Variants in GLIS1 observed in about 807,000 individuals in gnomAD.
GLIS1 encodes the protein zinc finger protein GLIS1.
A neutral mutation model predicts 63.8 loss-of-function variants in GLIS1; 24 were observed. The ratio of observed to expected loss-of-function variants is 0.38; its 90% CI spans 0.27 to 0.53. The LOEUF is 0.53. GLIS1 is among the 20% of genes least tolerant of loss of function. The pLI, the probability that GLIS1 is intolerant of heterozygous loss-of-function variation, is 0.85. For missense variants in GLIS1, 1,036 were observed against 1,074.1 expected (o/e 0.96, Z 0.50); for synonymous variants, 450 against 482.5 (o/e 0.93, Z 0.88).
At chr1:53,635,180 T>C (rs889217235) in intron 2 of GLIS1, among the ~76,000 whole-genome samples, 2 of 152,000 alleles carry the variant, frequency 1.3e-5, no homozygotes, top group Non-Finnish European at 2.9e-5. Context: ...GGAGCAGTGG[T>C]GGCTTTGAGC....
Position 53,520,624 on chromosome 1 carries a change from G to C in GLIS1, c.1726+10C>G, listed in dbSNP as rs755262962. ...GCTACGCCCCTGGCCCTGCCTCCCC[G>C]CACACGTACCTGGGAGCAGCTCCTG... On this transcript the variant is annotated intron_variant, in intron 7 of 10. Coordinates refer to ENST00000628545, the MANE Select transcript of GLIS1 (RefSeq NM_001367484.1). 6.2e-7 allele frequency: 1 copy of C among 1,601,150 alleles called. No homozygotes were observed. The highest frequency in any genetic ancestry group is 1.7e-5 in the Admixed American group (1 of 58,676).
In GLIS1 at chr1:53,590,779, C is replaced by T. The variant is rs557893132; in HGVS notation, c.1320+3329G>A. ...CTTCCTCTGGACAGCATGGATGGGCCGTGCAGAGGGCAGGGTGGGGGATGG... is the reference window on the plus strand; with the variant it reads ...CTTCCTCTGGACAGCATGGATGGGCTGTGCAGAGGGCAGGGTGGGGGATGG... On this transcript the variant is annotated intron_variant, in intron 4 of 10. Coordinates refer to ENST00000628545, the MANE Select transcript of GLIS1 (RefSeq NM_001367484.1). 2.5e-4 allele frequency among the ~76,000 whole-genome samples: 37 copies of T among 145,762 alleles called. 1 individual carries two copies. The South Asian group carries it at 6.3e-3, about 25-fold the overall frequency.
chr1:53,591,070 G>A (rs899348689), intron 4 of GLIS1, among the ~76,000 whole-genome samples: 3 of 152,174 alleles, frequency 2.0e-5, no homozygotes, highest in Admixed American at 1.3e-4. Context: ...TATTTTAGTG[G>A]GCCATTTACT....
intron 8 of GLIS1, 71 bp downstream of exon 8, chr1:53,514,554 C>T: frequency 6.7e-7 from 1 of 1,493,156 alleles, no homozygotes; most frequent in Non-Finnish European, 9.2e-7. Context: ...GTGCGGGACA[C>T]CTGCTCTCCC....
intron 6 of GLIS1, among the ~76,000 whole-genome samples, chr1:53,521,139 G>A (rs1192584846): frequency 6.6e-6 from 1 of 152,170 alleles, no homozygotes; most frequent in African/African-American, 2.4e-5. Context: ...TCTGCTGGAT[G>A]TCAGGGAGTC....
intron 2 of GLIS1, among the ~76,000 whole-genome samples, chr1:53,618,770 C>G (rs1459912073): frequency 6.6e-6 from 1 of 152,180 alleles, no homozygotes; most frequent in African/African-American, 2.4e-5. Context: ...TACTTTACCT[C>G]CATCAGGAAG....
chr1:53,573,389 C>G (rs1329186410), intron 4 of GLIS1, among the ~76,000 whole-genome samples: 1 of 152,070 alleles, frequency 6.6e-6, no homozygotes, highest in Non-Finnish European at 1.5e-5. Flanking sequence ...AATTTATGTC[C>G]ACTCTCCAGG....
At position 53,737,974 on chromosome 1, in the gene GLIS1, C is replaced by G. The variant is rs911094085; in HGVS notation, c.91G>C (p.Gly31Arg). The change falls in exon 2 of 11, where the codon GGC (glycine) becomes CGC (arginine). Residue 31 changes from glycine (G) to arginine (R), a missense_variant. Physicochemically the swap from Gly to Arg is moderately radical, Grantham distance 125 (BLOSUM62 -2). This residue lies in a region of GLIS1 where 592 missense variants were observed against 593.9 expected (regional missense o/e 1.00). Transcript: ENST00000628545. Reference protein sequence around the residue: ...PGPDRGPASLGAHMAFRVTVS... With the variant: ...PGPDRGPASLRAHMAFRVTVS... ...GTGACCCTGAAGGCCATGTGCGCGCCGAGGCTGGCGGGGCCGCGGTCGGGG... is the reference window on the plus strand; with the variant it reads ...GTGACCCTGAAGGCCATGTGCGCGCGGAGGCTGGCGGGGCCGCGGTCGGGG... 1 of 1,230,316 alleles carries G rather than the reference C, an allele frequency of 8.1e-7. No homozygotes were observed. The highest frequency in any genetic ancestry group is 3.2e-5 in the East Asian group (1 of 31,630). The allele number at this position is 1,230,316 out of a possible 1,614,324, so 76.2% of individuals were successfully genotyped here.
At chr1:53,553,416 T>C (rs917957751) in intron 4 of GLIS1, among the ~76,000 whole-genome samples, 1 of 152,086 alleles carries the variant, frequency 6.6e-6, no homozygotes, top group Non-Finnish European at 1.5e-5. Flanking sequence ...CACCCACCCA[T>C]CCACCATCCA....
chr1:53,735,771 G>A (rs942096399), intron 2 of GLIS1, among the ~76,000 whole-genome samples: 1 of 152,056 alleles, frequency 6.6e-6, no homozygotes, highest in Non-Finnish European at 1.5e-5. Flanking sequence ...ATTTCGGTGG[G>A]AGTAGGGGCA....
At chr1:53,722,426 C>T (rs1021617358) in intron 2 of GLIS1, among the ~76,000 whole-genome samples, 1 of 152,242 alleles carries the variant, frequency 6.6e-6, no homozygotes, top group African/African-American at 2.4e-5. Context: ...TAAACTATCT[C>T]TGAGAGGCCA....
At chr1:53,570,651 G>C (rs145111719) in intron 4 of GLIS1, among the ~76,000 whole-genome samples, 1 of 152,150 alleles carries the variant, frequency 6.6e-6, no homozygotes, top group Admixed American at 6.5e-5. Context: ...TAGGCTCATA[G>C]ATATACAGAG....
intron 4 of GLIS1, among the ~76,000 whole-genome samples, chr1:53,544,317 G>A (rs1262531284): frequency 6.6e-5 from 10 of 152,170 alleles, no homozygotes; most frequent in African/African-American, 4.8e-5. Flanking sequence ...CCGCAACTCT[G>A]CTGGAGATGG....
intron 2 of GLIS1, among the ~76,000 whole-genome samples, chr1:53,600,703 G>A (rs12022560): frequency 0.81 from 122,535 of 152,174 alleles, 54,081 homozygotes; most frequent in Non-Finnish European, 0.99. Flanking sequence ...GCTCAGCTGC[G>A]CTGCTGCCCA....
At chr1:53,508,431 G>A (rs1156386508) in intron 10 of GLIS1, among the ~76,000 whole-genome samples, 1 of 152,204 alleles carries the variant, frequency 6.6e-6, no homozygotes, top group Admixed American at 6.5e-5. Flanking sequence ...CTTTGTTGGA[G>A]CCCTGGAAAC....
intron 2 of GLIS1, among the ~76,000 whole-genome samples, chr1:53,687,011 G>A (rs541064270): frequency 6.6e-6 from 1 of 152,288 alleles, no homozygotes; most frequent in East Asian, 1.9e-4. Context: ...GCTCCCAAGA[G>A]CTACTCCACT....
intron 6 of GLIS1, among the ~76,000 whole-genome samples, chr1:53,522,573 G>A (rs898362687): frequency 1.2e-4 from 18 of 152,164 alleles, no homozygotes; most frequent in Admixed American, 6.5e-5. Context: ...TGGCACTTCT[G>A]GGGTGCATGA....
At chr1:53,548,734 C>G (rs555799557) in intron 4 of GLIS1, among the ~76,000 whole-genome samples, 8 of 152,356 alleles carry the variant, frequency 5.3e-5, no homozygotes, top group African/African-American at 1.9e-4. Context: ...TGTGGTCATC[C>G]ATGAACCTTC....
chr1:53,524,412 A>G lies in GLIS1; in HGVS notation c.1593+365T>C, dbSNP rs527372955. 3.9e-5 allele frequency among the ~76,000 whole-genome samples: 6 copies of G among 152,358 alleles called. No individual in the cohort carries two copies. In the East Asian group the frequency reaches 7.7e-4, roughly 20 times the overall value. On this transcript the variant is annotated intron_variant, in intron 6 of 10. Transcript: ENST00000628545. ...CTCTTTGTGTCTGCTGTCGCCTGCC[A>G]GGACACTGAAAGCGGGGACGTGCTT...
Sources: gnomAD v4.1 joint callset for allele counts (sites outside exome capture counted in the v4.1 genomes callset) on GRCh38, gnomAD v4.1.1 for gene constraint, gnomAD v4.1.1 regional missense constraint, MANE v1.5 for transcripts, NCBI Gene and HGNC (gene_info 2026-07-23, HGNC 2026-07-21) for gene names.